HIVEP3: variants seen among roughly 807,000 people sequenced by gnomAD.
HIVEP3 encodes the protein transcription factor HIVEP3.
A neutral mutation model predicts 152.8 loss-of-function variants in HIVEP3; 49 were observed. The ratio of observed to expected loss-of-function variants is 0.32; its 90% CI spans 0.26 to 0.41. The LOEUF (loss-of-function observed/expected upper bound fraction) is 0.41, where lower values mean the gene tolerates loss of function less well. Ranked by LOEUF, HIVEP3 falls within the 10% of genes least tolerant of loss-of-function variation. The pLI is 1.00. For synonymous variants in HIVEP3, 1,269 were observed against 1,289.0 expected (o/e 0.98, Z 0.33); for missense variants, 2,790 against 3,103.3 (o/e 0.90, Z 2.40).
At chr1:42,018,493 T>C (rs1199880233) in intron 1 of HIVEP3, among the ~76,000 whole-genome samples, 1 of 152,034 alleles carries the variant, frequency 6.6e-6, no homozygotes, top group Non-Finnish European at 1.5e-5. Context: ...TTCTCTACTG[T>C]ATTTTAGTGT....
chr1:41,693,009 G>C (rs1490255090), intron 2 of HIVEP3, among the ~76,000 whole-genome samples: 1 of 152,174 alleles, frequency 6.6e-6, no homozygotes, highest in Non-Finnish European at 1.5e-5. Flanking sequence ...TCTCATTTAA[G>C]CTTTGCCACA....
At chr1:41,879,387 C>A (rs1370918131) in intron 1 of HIVEP3, among the ~76,000 whole-genome samples, 1 of 152,238 alleles carries the variant, frequency 6.6e-6, no homozygotes, top group African/African-American at 2.4e-5. Flanking sequence ...GGTTTCCCCT[C>A]AGTGGATTAC....
chr1:41,622,386 C>T (rs1394559255), intron 3 of HIVEP3, among the ~76,000 whole-genome samples: 1 of 151,998 alleles, frequency 6.6e-6, no homozygotes, highest in Non-Finnish European at 1.5e-5. Flanking sequence ...TGCACAAGAG[C>T]AGGGGTGGGG....
At chr1:41,931,031 C>T (rs1001969581) in intron 1 of HIVEP3, among the ~76,000 whole-genome samples, 1 of 151,860 alleles carries the variant, frequency 6.6e-6, no homozygotes, top group Non-Finnish European at 1.5e-5. Flanking sequence ...TCCTTCATTA[C>T]ATATATGATT....
At chr1:41,640,037 T>C (rs1417174606) in intron 2 of HIVEP3, among the ~76,000 whole-genome samples, 1 of 152,180 alleles carries the variant, frequency 6.6e-6, no homozygotes, top group East Asian at 1.9e-4. Context: ...CAAGATAACA[T>C]ATTCCATTTA....
intron 1 of HIVEP3, among the ~76,000 whole-genome samples, chr1:41,757,216 CG>C (rs1285011873): frequency 5.3e-5 from 8 of 151,434 alleles, no homozygotes; most frequent in African/African-American, 4.9e-5. Flanking sequence ...CCCAGGTTCA[CG>C]CCATTCTCCT....
At chr1:41,571,773 G>A (rs936413125) in intron 5 of HIVEP3, among the ~76,000 whole-genome samples, 7 of 152,170 alleles carry the variant, frequency 4.6e-5, no homozygotes, top group African/African-American at 1.4e-4. Flanking sequence ...GGTGAAGGGC[G>A]ACAGGAACAG....
intron 3 of HIVEP3, among the ~76,000 whole-genome samples, chr1:41,588,681 G>C (rs1644541631): frequency 6.6e-6 from 1 of 152,204 alleles, no homozygotes; most frequent in South Asian, 2.1e-4. Flanking sequence ...ACACTTCTGA[G>C]TGGGGAGCAA....
intron 1 of HIVEP3, among the ~76,000 whole-genome samples, chr1:42,013,946 G>C (rs1455349825): frequency 3.3e-5 from 5 of 152,120 alleles, no homozygotes; most frequent in Non-Finnish European, 7.4e-5. Flanking sequence ...GGAAGAAAAA[G>C]TCAAAACTAT....
chr1:41,928,938 T>TA (rs964196268), intron 1 of HIVEP3, among the ~76,000 whole-genome samples: 1 of 152,142 alleles, frequency 6.6e-6, no homozygotes, highest in Non-Finnish European at 1.5e-5. Context: ...TTGAGCAACT[T>TA]AGTGAGACCT....
In HIVEP3 at chr1:41,771,037, A is replaced by T. The variant is rs953450397; in HGVS notation, c.-800-70042T>A. On this transcript the variant is annotated intron_variant, in intron 1 of 8. Coordinates refer to ENST00000372583, the MANE Select transcript of HIVEP3 (RefSeq NM_024503.5). The stretch of plus-strand genomic sequence containing the variant: ...ATGGTTTGTGGCCCTCTAAAGGGCC[A>T]CAGTACATAAATAGATATCCAGCAT... Among the ~76,000 whole-genome samples, 4 of 152,160 alleles carry T rather than the reference A, an allele frequency of 2.6e-5. No homozygotes were observed. In the East Asian group the frequency reaches 7.7e-4, roughly 29 times the overall value.
At chr1:41,826,353 C>T (rs1642803246) in intron 1 of HIVEP3, among the ~76,000 whole-genome samples, 1 of 152,192 alleles carries the variant, frequency 6.6e-6, no homozygotes, top group South Asian at 2.1e-4. Context: ...GCATTAGTAG[C>T]AGTACTCACT....
At chr1:41,567,607 G>A (rs1644186122) in intron 5 of HIVEP3, among the ~76,000 whole-genome samples, 1 of 152,224 alleles carries the variant, frequency 6.6e-6, no homozygotes, top group Non-Finnish European at 1.5e-5. Context: ...ACCCACCCCA[G>A]AAGAAGAGCA....
intron 1 of HIVEP3, among the ~76,000 whole-genome samples, chr1:41,976,935 G>C (rs1013670018): frequency 1.3e-5 from 2 of 152,316 alleles, no homozygotes; most frequent in African/African-American, 4.8e-5. Flanking sequence ...CTGGCCTCCA[G>C]GACTGTGCAA....
intron 1 of HIVEP3, among the ~76,000 whole-genome samples, chr1:41,755,481 C>T (rs1647266155): frequency 6.6e-6 from 1 of 152,004 alleles, no homozygotes; most frequent in Admixed American, 6.5e-5. Flanking sequence ...TTAAAAACTG[C>T]TTCGCATAAG....
At chr1:41,955,168 G>A (rs973457067) in intron 1 of HIVEP3, among the ~76,000 whole-genome samples, 19 of 152,122 alleles carry the variant, frequency 1.2e-4, no homozygotes, top group African/African-American at 3.6e-4. Context: ...TTTACAACAG[G>A]GAGATCCAAG....
At chr1:41,778,262 G>T (rs1648834169) in intron 1 of HIVEP3, among the ~76,000 whole-genome samples, 1 of 152,164 alleles carries the variant, frequency 6.6e-6, no homozygotes, top group Non-Finnish European at 1.5e-5. Context: ...CTCCTGAGTG[G>T]CCCCATTTGA....
intron 1 of HIVEP3, among the ~76,000 whole-genome samples, chr1:41,813,337 C>A (rs180783862): frequency 1.3e-5 from 2 of 152,338 alleles, no homozygotes; most frequent in African/African-American, 4.8e-5. Context: ...GCCAATCTTG[C>A]CCTGTCTTTC....
chr1:41,760,041 T>C (rs1192053092), intron 1 of HIVEP3, among the ~76,000 whole-genome samples: 1 of 152,140 alleles, frequency 6.6e-6, no homozygotes, highest in African/African-American at 2.4e-5. Context: ...GGCATAGTGG[T>C]GCAAGCCTGT....
Sources: allele counts gnomAD v4.1 joint callset (sites outside exome capture counted in the v4.1 genomes callset), GRCh38; gene constraint gnomAD v4.1.1; transcripts MANE v1.5; gene names NCBI Gene and HGNC (gene_info 2026-07-23, HGNC 2026-07-21).